RUNDC3B: variants seen among roughly 807,000 people sequenced by gnomAD.
The protein encoded by RUNDC3B is RUN domain-containing protein 3B.
Under a neutral mutation model 58.4 loss-of-function variants are expected in RUNDC3B, and 33 were observed. The ratio of observed to expected loss-of-function variants is 0.56; its 90% CI spans 0.43 to 0.75. The LOEUF is 0.75. Ranked by LOEUF, RUNDC3B falls within the 30% of genes least tolerant of loss-of-function variation. The pLI is 0.00. For missense variants in RUNDC3B, 501 were observed against 535.7 expected (o/e 0.94, Z 0.64); for synonymous variants, 193 against 195.2 (o/e 0.99, Z 0.10).
chr7:87,738,011 A>C (rs536570484), intron 4 of RUNDC3B, among the ~76,000 whole-genome samples: 2 of 152,228 alleles, frequency 1.3e-5, no homozygotes, highest in South Asian at 2.1e-4. Flanking sequence ...GAAAGCAAGC[A>C]AGAATAGTTT....
chr7:87,784,302 G>T (rs185655182), intron 8 of RUNDC3B, among the ~76,000 whole-genome samples: 1 of 152,238 alleles, frequency 6.6e-6, no homozygotes, highest in African/African-American at 2.4e-5. Context: ...TTTTTGAATT[G>T]CTAGAGTTCT....
At chr7:87,709,515 A>T (rs1037105681) in intron 3 of RUNDC3B, 27 of 985,228 alleles carry the variant, frequency 2.7e-5, no homozygotes, top group Non-Finnish European at 3.0e-5. Flanking sequence ...TTGGTAGGTA[A>T]ATTGACTCGC....
At chr7:87,758,129 G>A (rs1005226693) in intron 6 of RUNDC3B, among the ~76,000 whole-genome samples, 33 of 152,098 alleles carry the variant, frequency 2.2e-4, no homozygotes, top group African/African-American at 8.0e-4. Context: ...GACCAGCCTA[G>A]GCAACACAGT....
intron 3 of RUNDC3B, among the ~76,000 whole-genome samples, chr7:87,707,918 C>T (rs1829752200): frequency 6.6e-6 from 1 of 151,728 alleles, no homozygotes. Flanking sequence ...AGGAGAACTT[C>T]TAAATAACCC....
intron 9 of RUNDC3B, among the ~76,000 whole-genome samples, chr7:87,809,637 T>C (rs914640607): frequency 4.6e-5 from 7 of 152,178 alleles, no homozygotes; most frequent in African/African-American, 1.4e-4. Flanking sequence ...ATCTTCAATG[T>C]TTGGAGAGTG....
At chr7:87,754,323 C>T (rs757362251) in intron 6 of RUNDC3B, among the ~76,000 whole-genome samples, 6 of 152,150 alleles carry the variant, frequency 3.9e-5, no homozygotes, top group Non-Finnish European at 5.9e-5. Context: ...AATTAAACAA[C>T]ATGCTCCTGA....
intron 5 of RUNDC3B, among the ~76,000 whole-genome samples, chr7:87,740,933 G>A (rs1405464132): frequency 1.3e-5 from 2 of 152,028 alleles, no homozygotes; most frequent in Non-Finnish European, 1.5e-5. Flanking sequence ...GGCCAGGCGC[G>A]GTGGCTTTCA....
intron 6 of RUNDC3B, among the ~76,000 whole-genome samples, chr7:87,768,355 C>A (rs1185472448): frequency 2.0e-5 from 3 of 152,182 alleles, no homozygotes; most frequent in Non-Finnish European, 4.4e-5. Context: ...TCCTGCAGCT[C>A]CCCAGGGTCC....
At chr7:87,810,687 A>C (rs1401694301) in intron 9 of RUNDC3B, among the ~76,000 whole-genome samples, 1 of 152,146 alleles carries the variant, frequency 6.6e-6, no homozygotes, top group African/African-American at 2.4e-5. Context: ...TCTCTTTACT[A>C]TGCTGTTTAT....
intron 2 of RUNDC3B, among the ~76,000 whole-genome samples, chr7:87,671,370 A>G (rs910019756): frequency 1.3e-5 from 2 of 152,118 alleles, no homozygotes; most frequent in Non-Finnish European, 2.9e-5. Context: ...CCAAGTTGCT[A>G]CTTGCTCGGT....
intron 2 of RUNDC3B, among the ~76,000 whole-genome samples, chr7:87,675,008 C>T (rs1010163141): frequency 3.9e-5 from 6 of 152,232 alleles, no homozygotes; most frequent in Non-Finnish European, 7.3e-5. Flanking sequence ...ACAGCCTTTT[C>T]AGGCATCTCT....
Position 87,783,242 on chromosome 7 carries a change from TGTAATGACC to T in RUNDC3B, c.956+5297_956+5305del, listed in dbSNP as rs1309067236. 2.6e-5 allele frequency among the ~76,000 whole-genome samples: 4 copies of T among 152,118 alleles called. No homozygotes were observed. The East Asian group carries it at 5.8e-4, about 22-fold the overall frequency. ...TGTTGTATTGAACTCTTTATCATTA[TGTAATGACC>T]GTAATGACCTTCTTTGTCCTTTTTT... On this transcript the variant is annotated intron_variant, in intron 8 of 10. Coordinates refer to ENST00000394654, the MANE Select transcript of RUNDC3B (RefSeq NM_001134405.2).
At chr7:87,766,502 A>C (rs943159034) in intron 6 of RUNDC3B, among the ~76,000 whole-genome samples, 2 of 151,954 alleles carry the variant, frequency 1.3e-5, no homozygotes, top group African/African-American at 4.8e-5. Context: ...TCATTGATGA[A>C]GCTTAGTTTG....
At chr7:87,815,412 C>A (rs974034271) in intron 9 of RUNDC3B, among the ~76,000 whole-genome samples, 8 of 151,920 alleles carry the variant, frequency 5.3e-5, no homozygotes, top group Non-Finnish European at 1.2e-4. Flanking sequence ...AATGTAACAC[C>A]AAAGCTGCAA....
intron 2 of RUNDC3B, among the ~76,000 whole-genome samples, chr7:87,656,309 CAAAGAAA>C (rs1324092913): frequency 6.6e-6 from 1 of 150,980 alleles, no homozygotes; most frequent in Non-Finnish European, 1.5e-5. Flanking sequence ...TAAGTTTATT[CAAAGAAA>C]AAAGAAGAAA....
intron 6 of RUNDC3B, among the ~76,000 whole-genome samples, chr7:87,757,037 G>A (rs948245582): frequency 6.6e-6 from 1 of 151,938 alleles, no homozygotes; most frequent in Non-Finnish European, 1.5e-5. Flanking sequence ...TAAATGTATA[G>A]CATAAAAAAT....
At chr7:87,786,407 A>T (rs57392086) in intron 8 of RUNDC3B, among the ~76,000 whole-genome samples, 4,529 of 151,996 alleles carry the variant, frequency 0.03, 64 homozygotes, top group Middle Eastern at 0.048. Context: ...ATGTTTACAT[A>T]TTTTTTCTTC....
At chr7:87,658,547 C>A (rs538543760) in intron 2 of RUNDC3B, among the ~76,000 whole-genome samples, 1 of 152,144 alleles carries the variant, frequency 6.6e-6, no homozygotes, top group Non-Finnish European at 1.5e-5. Context: ...GAGCAAACCA[C>A]AAATAGGAAA....
rs573139098 is a variant in RUNDC3B at position 87,808,578 on chromosome 7, A to G, written c.1103+1059A>G. On this transcript the variant is annotated intron_variant, in intron 9 of 10. Transcript: ENST00000394654. The stretch of plus-strand genomic sequence containing the variant: ...CTTGTTTCATTGATTATTAGAGATA[A>G]GTAGGAAAAGATGAACACATTATTT... Among the ~76,000 whole-genome samples, 6 of 152,248 alleles carry G rather than the reference A, an allele frequency of 3.9e-5. No individual in the cohort carries two copies. The South Asian group carries it at 8.3e-4, about 21-fold the overall frequency.
Sources: allele counts gnomAD v4.1 joint callset (sites outside exome capture counted in the v4.1 genomes callset), GRCh38; gene constraint gnomAD v4.1.1; transcripts MANE v1.5; gene names NCBI Gene and HGNC (gene_info 2026-07-23, HGNC 2026-07-21).